TMEM63B: variants seen among roughly 807,000 people sequenced by gnomAD.
TMEM63B encodes transmembrane protein 63B.
TMEM63B carries 23 observed loss-of-function variants against 102.6 expected under a neutral mutation model. The observed-to-expected ratio is 0.22, with a 90% confidence interval of 0.16 to 0.32. The LOEUF is 0.32. TMEM63B is among the 10% of genes least tolerant of loss of function. The probability of loss-of-function intolerance (pLI) is 1.00; values close to 1 mark genes in which losing one functional copy is unlikely to be tolerated. For synonymous variants in TMEM63B, 444 were observed against 437.0 expected, an observed-to-expected ratio of 1.02 and a Z score of -0.20; for missense variants, 628 against 1,095.9, an observed-to-expected ratio of 0.57 and a Z score of 6.03.
chr6:44,147,559 G>A, intron 12 of TMEM63B, 59 bp downstream of exon 12: 2 of 1,591,680 alleles, frequency 1.3e-6, no homozygotes, highest in South Asian at 2.3e-5. Context: ...GGCAGGCAAG[G>A]CTGGGGCCCT....
At chr6:44,128,320 A>C (rs1777618837) in intron 1 of TMEM63B, among the ~76,000 whole-genome samples, 1 of 151,848 alleles carries the variant, frequency 6.6e-6, no homozygotes, top group Non-Finnish European at 1.5e-5. Context: ...CTTGCGCCCC[A>C]CACAGTGCAG....
At chr6:44,135,706 A>G (rs1335574316) in intron 4 of TMEM63B, among the ~76,000 whole-genome samples, 1 of 152,216 alleles carries the variant, frequency 6.6e-6, no homozygotes, top group Admixed American at 6.5e-5. Flanking sequence ...GGGTGTCACC[A>G]GCAGCTTCTT....
intron 18 of TMEM63B, among the ~76,000 whole-genome samples, chr6:44,151,481 A>G (rs1766602318): frequency 2.0e-5 from 3 of 151,860 alleles, no homozygotes; most frequent in Non-Finnish European, 4.4e-5. Flanking sequence ...AACTCGAGTT[A>G]TGGTCTAAGT....
chr6:44,127,435 A>C (rs1429557308), upstream of TMEM63B: 6 of 150,252 alleles, frequency 4.0e-5, no homozygotes, highest in Admixed American at 6.6e-5. Context: ...CCTGCGCGCC[A>C]GGCCCAGCCC....
In TMEM63B at chr6:44,138,736, G is replaced by GTC. The variant is rs567563400; in HGVS notation, c.407+219_407+220insTC. 215 of 288,116 alleles carry GTC rather than the reference G, an allele frequency of 7.5e-4. 2 individuals carry two copies. Among genetic ancestry groups the GTC allele is most frequent in the Admixed American group, 1.3e-3 (26 of 19,702 alleles). 17.8% of individuals were successfully genotyped at this position (288,116 alleles called of 1,614,324 possible). ...TAATCTCCTCTGTGACCCCCTGCCGGCCCCCCCGCTTCTCTCCCTGCCCTG... is the reference window on the plus strand; with the variant it reads ...TAATCTCCTCTGTGACCCCCTGCCGGTCCCCCCCCGCTTCTCTCCCTGCCCTG... On this transcript the variant is annotated intron_variant, in intron 6 of 23. Coordinates refer to ENST00000323267, the MANE Select transcript of TMEM63B (RefSeq NM_018426.3).
Position 44,155,061 on chromosome 6 carries a change from C to G in TMEM63B, c.*178C>G, listed in dbSNP as rs939413721. The G allele has an allele frequency of 3.2e-6, 2 of 616,522 alleles. No individual in the cohort carries two copies. The highest frequency in any genetic ancestry group is 5.1e-6 in the Non-Finnish European group (2 of 395,342). 38.2% of individuals were successfully genotyped at this position (616,522 alleles called of 1,614,324 possible). On this transcript the variant is annotated 3_prime_UTR_variant, in exon 24 of 24. Coordinates refer to ENST00000323267, the MANE Select transcript of TMEM63B (RefSeq NM_018426.3). ...CCCCCATGATGGAGGGAGGGAGCCC[C>G]CCAACCTCAGTGAGGAGAGCCCCGA...
At chr6:44,128,383 T>C (rs1777633817) in intron 1 of TMEM63B, among the ~76,000 whole-genome samples, 2 of 152,124 alleles carry the variant, frequency 1.3e-5, no homozygotes, top group Admixed American at 1.3e-4. Flanking sequence ...GGGAAAAGAT[T>C]CAGACGCGAA....
chr6:44,154,651 G>A (rs756044551), intron 23 of TMEM63B, 41 bp from the exon 24 acceptor site: 3 of 1,526,974 alleles, frequency 2.0e-6, no homozygotes, highest in African/African-American at 1.4e-5. Flanking sequence ...ATCCATGAGG[G>A]GCAGCTGTTC....
rs144265184 is a variant in TMEM63B at position 44,152,688 on chromosome 6, C to T, written c.1932C>T (p.Ile644=). 135 of 1,606,608 alleles carry T rather than the reference C, an allele frequency of 8.4e-5. No homozygotes were observed. The highest frequency in any genetic ancestry group is 1.1e-4 in the Non-Finnish European group (130 of 1,179,862). The change falls in exon 20 of 24, where the codon ATC becomes ATT. Residue 644 remains isoleucine (I), a synonymous_variant. Transcript: ENST00000323267. The surrounding 1 kb of genome is among the most constrained non-coding windows in gnomAD (Gnocchi z 6.4). ...CCTACAGTATCACCTGCCCCATCAT[C>T]GTGCCCTTCGGTAGGCACCGCCGCG... ...VMTYSITCPI[I]VPFGLMYMLL...
At chr6:44,134,499 A>G (rs999160678) in intron 1 of TMEM63B, 62 bp from the exon 2 acceptor site, 4 of 1,527,702 alleles carry the variant, frequency 2.6e-6, no homozygotes, top group Middle Eastern at 1.8e-4. Flanking sequence ...CCCCACGCCC[A>G]CCCTACTGGG....
At chr6:44,142,037 G>A (rs866800413) in intron 10 of TMEM63B, among the ~76,000 whole-genome samples, 12 of 151,934 alleles carry the variant, frequency 7.9e-5, no homozygotes, top group African/African-American at 2.4e-4. Flanking sequence ...TGGGAGGATC[G>A]CTTGAACCCA....
chr6:44,143,147 G>A (rs1414778231), intron 10 of TMEM63B, among the ~76,000 whole-genome samples: 1 of 152,236 alleles, frequency 6.6e-6, no homozygotes, highest in African/African-American at 2.4e-5. Context: ...AGGATTGAGA[G>A]TGAACATCTA....
Position 44,135,325 on chromosome 6 carries a change from C to G in TMEM63B, c.240-3C>G. 1 of 1,612,660 alleles carries G rather than the reference C, an allele frequency of 6.2e-7. No individual in the cohort carries two copies. Among genetic ancestry groups the G allele is most frequent in the Non-Finnish European group, 8.5e-7 (1 of 1,179,242 alleles). On this transcript the variant is annotated splice_region_variant and splice_polypyrimidine_tract_variant and intron_variant, in intron 3 of 23. Transcript: ENST00000323267. ...GCTAACCCTGTCTGTTCTCTGTCCC[C>G]AGGCTTCGGCGGCAGGAGAGGGACC...
intron 23 of TMEM63B, 27 bp downstream of exon 23, chr6:44,154,472 G>A (rs1767589858): frequency 1.9e-6 from 3 of 1,612,654 alleles, no homozygotes; most frequent in South Asian, 2.2e-5. Context: ...GTTGGGAGGG[G>A]CCTCTGACAG....
Position 44,154,172 on chromosome 6 carries a change from G to C in TMEM63B, c.2210G>C (p.Ser737Thr), listed in dbSNP as rs1767478528. 1.9e-6 allele frequency: 3 copies of C among 1,613,936 alleles called. No individual in the cohort carries two copies. Among genetic ancestry groups the C allele is most frequent in the Non-Finnish European group, 2.5e-6 (3 of 1,179,970 alleles). The change falls in exon 22 of 24, where the codon AGT (serine) becomes ACT (threonine). Residue 737 changes from serine (S) to threonine (T), a missense_variant. By Grantham distance (58) the Ser-to-Thr change is moderately conservative. Coordinates refer to ENST00000323267, the MANE Select transcript of TMEM63B (RefSeq NM_018426.3). ...TGCTTTGGACACTTCAAATACCTCA[G>C]TGCCCACAACTACAAGGTGTGGGGC... ...HVCFGHFKYL[S>T]AHNYKIEHTE... is the part of the protein sequence containing the mutation.
In TMEM63B at chr6:44,134,610, T is replaced by C; in HGVS notation, c.26T>C (p.Leu9Pro). 2.5e-6 allele frequency: 4 copies of C among 1,614,108 alleles called. No homozygotes were observed. The highest frequency in any genetic ancestry group is 3.4e-6 in the Non-Finnish European group (4 of 1,180,008). ...ATGCTGCCCTTTCTGCTGGCCACAC[T>C]GGGCACCACAGCCCTCAACAACAGC... MLPFLLATLGTTALNNSNP... is the reference protein window; with the variant it reads MLPFLLATPGTTALNNSNP... The change falls in exon 2 of 24, where the codon CTG (leucine) becomes CCG (proline). Residue 9 changes from leucine to proline, a missense_variant. Physicochemically the swap from Leu to Pro is moderately conservative, Grantham distance 98 (BLOSUM62 -3). This residue lies in a region of TMEM63B where 336 missense variants were observed against 580.3 expected (regional missense o/e 0.58). Transcript: ENST00000323267.
At chr6:44,131,552 C>T (rs1203776594) in intron 1 of TMEM63B, among the ~76,000 whole-genome samples, 1 of 152,024 alleles carries the variant, frequency 6.6e-6, no homozygotes, top group Non-Finnish European at 1.5e-5. Context: ...AACCCTGTCT[C>T]TACTGAAAAT....
intron 10 of TMEM63B, among the ~76,000 whole-genome samples, chr6:44,146,543 C>T (rs534729835): frequency 4.6e-5 from 7 of 152,082 alleles, no homozygotes; most frequent in Admixed American, 6.6e-5. Flanking sequence ...CTCCACCTCC[C>T]GGGTTCGAGC....
chr6:44,154,623 T>C, intron 23 of TMEM63B, 69 bp from the exon 24 acceptor site: 1 of 1,502,312 alleles, frequency 6.7e-7, no homozygotes, highest in Middle Eastern at 2.5e-4. Context: ...CTGTCCTACA[T>C]GCCCTGGTGT....
Sources: allele counts gnomAD v4.1 joint callset (sites outside exome capture counted in the v4.1 genomes callset), GRCh38; gene constraint gnomAD v4.1.1; regional missense constraint gnomAD v4.1.1; non-coding constraint Gnocchi (gnomAD v3.1); transcripts MANE v1.5; gene names NCBI Gene and HGNC (gene_info 2026-07-23, HGNC 2026-07-21).